The following ZNF654 variants were observed in gnomAD, a reference collection of about 807,000 sequenced individuals.
The protein encoded by ZNF654 is zinc finger protein 654.
ZNF654 carries 19 observed loss-of-function variants against 95.3 expected under a neutral mutation model. That is an observed-to-expected ratio of 0.20 (90% CI 0.14 to 0.29). The LOEUF (loss-of-function observed/expected upper bound fraction) is 0.29. Among genes scored for constraint, ZNF654 ranks in the 10% least tolerant of loss-of-function variants. The pLI, the probability that ZNF654 is intolerant of heterozygous loss-of-function variation, is 1.00. For missense variants in ZNF654, 1,046 were observed against 1,341.0 expected (o/e 0.78, Z 3.44); for synonymous variants, 413 against 457.9 (o/e 0.90, Z 1.25).
chr3:88,085,810 T>C (rs1708308891), intron 1 of ZNF654, among the ~76,000 whole-genome samples: 1 of 152,228 alleles, frequency 6.6e-6, no homozygotes, highest in Non-Finnish European at 1.5e-5. Context: ...TATCATGTCA[T>C]ATATCTTTTG....
At chr3:88,134,243 C>T (rs1706635584) in intron 6 of ZNF654, among the ~76,000 whole-genome samples, 2 of 152,072 alleles carry the variant, frequency 1.3e-5, no homozygotes, top group African/African-American at 4.8e-5. Context: ...TGTGCACCCT[C>T]ATGATGGTAA....
intron 1 of ZNF654, among the ~76,000 whole-genome samples, chr3:88,062,854 G>C (rs1219322669): frequency 6.6e-6 from 1 of 152,144 alleles, no homozygotes; most frequent in Non-Finnish European, 1.5e-5. Flanking sequence ...ACTTAAATAG[G>C]TAGATGCTAT....
intron 1 of ZNF654, among the ~76,000 whole-genome samples, chr3:88,084,483 T>A (rs1369968564): frequency 1.3e-5 from 2 of 152,236 alleles, no homozygotes; most frequent in African/African-American, 4.8e-5. Context: ...TCTGTAGTGA[T>A]GACCGCATAG....
At chr3:88,101,701 T>C (rs778557772) in intron 2 of ZNF654, among the ~76,000 whole-genome samples, 5 of 152,152 alleles carry the variant, frequency 3.3e-5, no homozygotes, top group Admixed American at 6.5e-5. Flanking sequence ...AGGCATAGAA[T>C]TGTTAGATGT....
rs2107904087 is a variant in ZNF654, at chr3:88,141,731, T to C, written c.*79T>C. On this transcript the variant is annotated 3_prime_UTR_variant, in exon 9 of 9. Transcript: ENST00000636215. ...ATAAGAAAATGCATCATCAGTTTGC[T>C]ATTTCCCTGATGGCCTTAATTTTAG... 8.6e-7 allele frequency: 1 copy of C among 1,157,968 alleles called. No homozygotes were observed. Among genetic ancestry groups the C allele is most frequent in the East Asian group, 2.7e-5 (1 of 37,174 alleles). The allele number at this position is 1,157,968 out of a possible 1,614,324, so 71.7% of individuals were successfully genotyped here.
intron 2 of ZNF654, among the ~76,000 whole-genome samples, chr3:88,089,378 C>A (rs1708519048): frequency 6.6e-6 from 1 of 151,638 alleles, no homozygotes; most frequent in East Asian, 2.0e-4. Flanking sequence ...GTAATCCCAG[C>A]TACTTGGGAG....
chr3:88,100,804 C>T (rs1411391213), intron 2 of ZNF654, among the ~76,000 whole-genome samples: 1 of 151,714 alleles, frequency 6.6e-6, no homozygotes, highest in South Asian at 2.1e-4. Flanking sequence ...ACAGCGGGGC[C>T]TGTCATGGGG....
intron 6 of ZNF654, among the ~76,000 whole-genome samples, chr3:88,130,617 A>ATGT (rs558725158): frequency 4.6e-5 from 6 of 129,206 alleles, no homozygotes; most frequent in Admixed American, 8.1e-5. Flanking sequence ...TGCCCAGCTA[A>ATGT]TTTTTTTTTT....
chr3:88,087,017 C>T (rs535455827), intron 2 of ZNF654, among the ~76,000 whole-genome samples: 6 of 152,064 alleles, frequency 3.9e-5, no homozygotes, highest in East Asian at 3.9e-4. Flanking sequence ...CTCCTGACCT[C>T]GTGATCTGCC....
chr3:88,139,316 A>G lies in ZNF654; in HGVS notation c.1647A>G (p.Leu549=), dbSNP rs1338550888. 1.9e-6 allele frequency: 3 copies of G among 1,600,796 alleles called. No individual in the cohort carries two copies. Among genetic ancestry groups the G allele is most frequent in the Non-Finnish European group, 2.6e-6 (3 of 1,175,196 alleles). The change falls in exon 8 of 9, where the codon TTA becomes TTG. Residue 549 remains leucine (L), a synonymous_variant. Transcript: ENST00000636215. ...DHNVPRHRCM[L]CNKEFLGGHI... ...ATGTCCCAAGGCATCGTTGTATGTT[A>G]TGTAACAAGGAATTTTTAGGTGGTC... is the stretch of plus-strand genomic sequence containing the variant.
At chr3:88,137,881 G>GTA (rs1354156378) in intron 7 of ZNF654, among the ~76,000 whole-genome samples, 2 of 151,982 alleles carry the variant, frequency 1.3e-5, no homozygotes, top group African/African-American at 2.4e-5. Flanking sequence ...TATACCATAT[G>GTA]TAGGCAGTAT....
At chr3:88,060,443 C>G (rs1463011411) in intron 1 of ZNF654, among the ~76,000 whole-genome samples, 2 of 152,146 alleles carry the variant, frequency 1.3e-5, no homozygotes, top group African/African-American at 4.8e-5. Flanking sequence ...ACGGTTTGTT[C>G]CCATTCACAA....
intron 1 of ZNF654, among the ~76,000 whole-genome samples, chr3:88,082,220 G>A (rs1708115437): frequency 1.3e-5 from 2 of 151,434 alleles, no homozygotes; most frequent in South Asian, 2.1e-4. Flanking sequence ...TCTGCCTCCC[G>A]GGTTCAAGTG....
At position 88,139,777 on chromosome 3, in the gene ZNF654, A is replaced by C. The variant is rs1707005497; in HGVS notation, c.2108A>C (p.Glu703Ala). Reference sequence around the variant, plus strand: ...GAATGTGGGGATGATTATGAGGAGGAAGAGGATGAAGAAGGTGATTATGAA... The same window carrying C: ...GAATGTGGGGATGATTATGAGGAGGCAGAGGATGAAGAAGGTGATTATGAA... ...LTECGDDYEE[E>A]EDEEGDYEED... Residue 703 changes from glutamate to alanine, a missense_variant, in exon 8 of 9, where the codon GAA becomes GCA. Around this residue, in one of 9 missense-constraint regions of ZNF654, gnomAD observed 495 missense variants for 537.0 expected, o/e 0.92. Coordinates refer to ENST00000636215, the MANE Select transcript of ZNF654 (RefSeq NM_001350134.2). 1.3e-6 allele frequency: 2 copies of C among 1,554,318 alleles called. No homozygotes were observed. The highest frequency in any genetic ancestry group is 4.9e-5 in the East Asian group (2 of 41,120).
intron 3 of ZNF654, among the ~76,000 whole-genome samples, chr3:88,116,511 C>T (rs929513823): frequency 6.7e-6 from 1 of 149,238 alleles, no homozygotes; most frequent in Non-Finnish European, 1.5e-5. Flanking sequence ...GCAACAAGAG[C>T]GAAACTCTGT....
At position 88,142,683 on chromosome 3, in the gene ZNF654, A is replaced by G. The variant is rs969194118; in HGVS notation, c.*1031A>G. 2 of 152,334 alleles carry G rather than the reference A, an allele frequency of 1.3e-5. No individual in the cohort carries two copies. Among genetic ancestry groups the G allele is most frequent in the African/African-American group, 4.8e-5 (2 of 41,426 alleles). The allele number at this position is 152,334 out of a possible 1,614,324, so 9.4% of individuals were successfully genotyped here. ...GTTGAGAAATCATTCATTTTATTCT[A>G]TTAGGAGAGGTAATTCCAAAATAAG... On this transcript the variant is annotated 3_prime_UTR_variant, in exon 9 of 9. Coordinates refer to ENST00000636215, the MANE Select transcript of ZNF654 (RefSeq NM_001350134.2).
chr3:88,084,776 G>T (rs556457188), intron 1 of ZNF654, among the ~76,000 whole-genome samples: 1 of 152,270 alleles, frequency 6.6e-6, no homozygotes, highest in Admixed American at 6.5e-5. Flanking sequence ...AGCAAGCAGC[G>T]TGAGTTTCGT....
chr3:88,068,586 G>A (rs1045023293), intron 1 of ZNF654, among the ~76,000 whole-genome samples: 2 of 152,148 alleles, frequency 1.3e-5, no homozygotes, highest in African/African-American at 4.8e-5. Flanking sequence ...GTGATTTGAT[G>A]TGTGTATGTT....
intron 1 of ZNF654, among the ~76,000 whole-genome samples, chr3:88,067,965 C>A (rs1160427568): frequency 6.6e-6 from 1 of 150,616 alleles, no homozygotes; most frequent in African/African-American, 2.4e-5. Context: ...AAGGAAGATA[C>A]AAATCTACAA....
Sources: allele counts gnomAD v4.1 joint callset (sites outside exome capture counted in the v4.1 genomes callset), GRCh38; gene constraint gnomAD v4.1.1; regional missense constraint gnomAD v4.1.1; transcripts MANE v1.5; gene names NCBI Gene and HGNC (gene_info 2026-07-23, HGNC 2026-07-21).